Variants in COL25A1 observed in about 807,000 individuals in gnomAD.
COL25A1 encodes the protein collagen type XXV alpha 1 chain, also known as collagen alpha-1(XXV) chain.
COL25A1 carries 103 observed loss-of-function variants against 128.4 expected under a neutral mutation model. The observed-to-expected ratio is 0.80, with a 90% CI of 0.68 to 0.94. The LOEUF is 0.94. Among genes scored for constraint, COL25A1 ranks in the 40% least tolerant of loss-of-function variants. The probability of loss-of-function intolerance (pLI) is 0.00; values close to 1 mark genes in which losing one functional copy is unlikely to be tolerated. For missense variants in COL25A1, 745 were observed against 840.0 expected (o/e 0.89, Z 1.40); for synonymous variants, 279 against 277.2 (o/e 1.01, Z -0.06).
intron 3 of COL25A1, among the ~76,000 whole-genome samples, chr4:109,082,393 A>C (rs1763921149): frequency 6.6e-6 from 1 of 152,202 alleles, no homozygotes; most frequent in African/African-American, 2.4e-5. Flanking sequence ...CTGTTTTCCA[A>C]AGAGGCTGTA....
intron 3 of COL25A1, among the ~76,000 whole-genome samples, chr4:109,107,306 T>C (rs1252845624): frequency 6.6e-6 from 1 of 152,166 alleles, no homozygotes; most frequent in Non-Finnish European, 1.5e-5. Context: ...GGACTTCTCA[T>C]TGAAGGTCCT....
intron 3 of COL25A1, among the ~76,000 whole-genome samples, chr4:109,123,134 T>C (rs1768262581): frequency 6.6e-6 from 1 of 152,076 alleles, no homozygotes; most frequent in Non-Finnish European, 1.5e-5. Context: ...ATCTATTTGA[T>C]ACCTTTCAAG....
chr4:109,006,273 G>T (rs1755964723), intron 6 of COL25A1, among the ~76,000 whole-genome samples: 2 of 151,720 alleles, frequency 1.3e-5, no homozygotes, highest in East Asian at 3.9e-4. Flanking sequence ...GAGTCCAGTG[G>T]AGCTATCTTG....
At chr4:109,167,438 T>A (rs1168226815) in intron 3 of COL25A1, among the ~76,000 whole-genome samples, 1 of 152,140 alleles carries the variant, frequency 6.6e-6, no homozygotes, top group African/African-American at 2.4e-5. Context: ...GCCTCTTGAA[T>A]GAATGAACAA....
At chr4:108,940,458 C>CA in intron 10 of COL25A1, 81 bp downstream of exon 10, 1 of 1,186,916 alleles carries the variant, frequency 8.4e-7, no homozygotes, top group Non-Finnish European at 1.3e-6. Context: ...TGATGCCCCT[C>CA]ACCACCCTAC....
chr4:109,061,604 G>A lies in COL25A1; in HGVS notation c.368-11425C>T, dbSNP rs539076429. On this transcript the variant is annotated intron_variant, in intron 3 of 37. Transcript: ENST00000399132. ...TGAGAACACAATGCAGTGTAGGTTA[G>A]GATTACAGTTGGCCTCCCATAGAAA... is the stretch of plus-strand genomic sequence containing the variant. 9.2e-5 allele frequency among the ~76,000 whole-genome samples: 14 copies of A among 152,288 alleles called. No homozygotes were observed. In the South Asian group the frequency reaches 2.9e-3, roughly 32 times the overall value.
At chr4:108,982,084 C>T (rs1227675847) in intron 6 of COL25A1, among the ~76,000 whole-genome samples, 1 of 152,126 alleles carries the variant, frequency 6.6e-6, no homozygotes, top group Non-Finnish European at 1.5e-5. Flanking sequence ...ATCCCAGCTA[C>T]TCAGGAGGCT....
chr4:109,218,559 C>T (rs1227819857), intron 3 of COL25A1, among the ~76,000 whole-genome samples: 2 of 151,604 alleles, frequency 1.3e-5, no homozygotes, highest in African/African-American at 4.8e-5. Context: ...ACAGTATGTA[C>T]TCTCTCAGCT....
At chr4:108,930,408 C>T (rs1439852804) in intron 11 of COL25A1, among the ~76,000 whole-genome samples, 1 of 152,182 alleles carries the variant, frequency 6.6e-6, no homozygotes, top group Non-Finnish European at 1.5e-5. Flanking sequence ...ATTCTCTGCC[C>T]CAATGACTTG....
At chr4:108,997,710 A>T (rs1325192047) in intron 6 of COL25A1, among the ~76,000 whole-genome samples, 1 of 152,224 alleles carries the variant, frequency 6.6e-6, no homozygotes, top group South Asian at 2.1e-4. Context: ...ATGAACATCA[A>T]TGCAAAAATC....
chr4:108,859,928 T>C (rs1476776876), intron 23 of COL25A1, among the ~76,000 whole-genome samples, 195 bp from the exon 24 acceptor site: 3 of 152,218 alleles, frequency 2.0e-5, no homozygotes, highest in Non-Finnish European at 4.4e-5. Context: ...CCACTTCTTA[T>C]ATCCTGTCTT....
At chr4:109,061,404 C>T (rs1488255479) in intron 3 of COL25A1, among the ~76,000 whole-genome samples, 1 of 152,172 alleles carries the variant, frequency 6.6e-6, no homozygotes, top group African/African-American at 2.4e-5. Flanking sequence ...TAAAACTTTA[C>T]TCCAGTTGCC....
At chr4:109,000,743 C>CAAAAAAAAAAAAAAAAAAA (rs1180104512) in intron 6 of COL25A1, among the ~76,000 whole-genome samples, 5 of 36,420 alleles carry the variant, frequency 1.4e-4, no homozygotes, top group African/African-American at 8.6e-4. Context: ...GAGACTCTGT[C>CAAAAAAAAAAAAAAAAAAA]AAAAAAAAAA....
chr4:109,086,719 T>A (rs1172079286), intron 3 of COL25A1, among the ~76,000 whole-genome samples: 4 of 152,128 alleles, frequency 2.6e-5, no homozygotes, highest in Non-Finnish European at 4.4e-5. Context: ...TAACTATCCA[T>A]CACCCACGCC....
At chr4:109,084,553 C>CTT (rs1397449927) in intron 3 of COL25A1, among the ~76,000 whole-genome samples, 1 of 152,204 alleles carries the variant, frequency 6.6e-6, no homozygotes, top group Non-Finnish European at 1.5e-5. Context: ...CTTAATCTCT[C>CTT]TAACACTACA....
intron 8 of COL25A1, among the ~76,000 whole-genome samples, chr4:108,966,744 G>T (rs185692027): frequency 6.6e-6 from 1 of 151,820 alleles, no homozygotes; most frequent in Non-Finnish European, 1.5e-5. Context: ...CCAGCTATTC[G>T]GGGGACTGAG....
At position 109,236,407 on chromosome 4, in the gene COL25A1, A is replaced by C. The variant is rs1779483301; in HGVS notation, c.367+64176T>G. 2.0e-5 allele frequency among the ~76,000 whole-genome samples: 3 copies of C among 152,084 alleles called. No individual in the cohort carries two copies. In the South Asian group the frequency reaches 6.2e-4, roughly 31 times the overall value. On this transcript the variant is annotated intron_variant, in intron 3 of 37. Coordinates refer to ENST00000399132, the MANE Select transcript of COL25A1 (RefSeq NM_198721.4). ...TCAGAGGCAGCAGAACCTGACAGAG[A>C]ACATTAGTCCTGAATTGAATGAAAT...
intron 3 of COL25A1, among the ~76,000 whole-genome samples, chr4:109,275,424 GT>G (rs1722734576): frequency 6.6e-6 from 1 of 152,164 alleles, no homozygotes. Flanking sequence ...GTTTCATAGG[GT>G]TTAGGCTAAG....
At chr4:109,264,367 T>C (rs1781655067) in intron 3 of COL25A1, among the ~76,000 whole-genome samples, 1 of 152,186 alleles carries the variant, frequency 6.6e-6, no homozygotes, top group African/African-American at 2.4e-5. Context: ...ACTCTGGGTA[T>C]GGCGTGGAGA....
Sources: allele counts gnomAD v4.1 joint callset (sites outside exome capture counted in the v4.1 genomes callset), GRCh38; gene constraint gnomAD v4.1.1; transcripts MANE v1.5; gene names NCBI Gene and HGNC (gene_info 2026-07-23, HGNC 2026-07-21).